Variants in CLIC5 observed in about 807,000 individuals in gnomAD.
The protein encoded by CLIC5 is CLIC family member 5, also known as chloride intracellular channel protein 5.
In CLIC5, 20 loss-of-function variants were observed where a neutral mutation model predicts 24.7. The ratio of observed to expected loss-of-function variants is 0.81; its 90% CI spans 0.57 to 1.18. CLIC5 has a LOEUF of 1.18. CLIC5 is among the 50% of genes most tolerant of loss of function. The probability of loss-of-function intolerance (pLI) is 0.00; values close to 1 mark genes in which losing one functional copy is unlikely to be tolerated. For synonymous variants in CLIC5, 159 were observed against 135.6 expected, an observed-to-expected ratio of 1.17 and a Z score of -1.20; for missense variants, 341 against 326.1, an observed-to-expected ratio of 1.05 and a Z score of -0.35.
intron 1 of CLIC5, among the ~76,000 whole-genome samples, chr6:45,956,772 C>A (rs1321909870): frequency 6.6e-6 from 1 of 152,182 alleles, no homozygotes; most frequent in Non-Finnish European, 1.5e-5. Context: ...ACTCCCTATT[C>A]AGTTCTCACT....
intron 1 of CLIC5, among the ~76,000 whole-genome samples, chr6:46,034,036 A>G (rs1024537831): frequency 8.5e-5 from 13 of 152,364 alleles, no homozygotes; most frequent in Admixed American, 7.8e-4. Flanking sequence ...CAAAACAAAC[A>G]CAAAGCTACT....
intron 1 of CLIC5, among the ~76,000 whole-genome samples, chr6:45,996,432 C>A (rs1480913852): frequency 6.6e-6 from 1 of 152,244 alleles, no homozygotes; most frequent in African/African-American, 2.4e-5. Context: ...ATGCCTATGT[C>A]CTGAATGGTA....
At chr6:45,941,952 A>T (rs145540591) in intron 3 of CLIC5, among the ~76,000 whole-genome samples, 1 of 152,128 alleles carries the variant, frequency 6.6e-6, no homozygotes, top group Admixed American at 6.5e-5. Flanking sequence ...ACCACCAATA[A>T]GGATGTGCCA....
chr6:46,110,924 T>G, the CLIC5 span, among the ~76,000 whole-genome samples: 1 of 152,218 alleles, frequency 6.6e-6, no homozygotes, highest in East Asian at 1.9e-4. Flanking sequence ...AAAACTTATT[T>G]TGCAAATAAA....
chr6:46,031,111 T>C (rs545582179), intron 1 of CLIC5, among the ~76,000 whole-genome samples: 26 of 152,358 alleles, frequency 1.7e-4, no homozygotes, highest in Non-Finnish European at 1.5e-5. Context: ...AACAAATATT[T>C]ATTAAGATCC....
At chr6:46,018,059 T>C (rs1024119231), upstream of CLIC5, among the ~76,000 whole-genome samples, 1 of 152,160 alleles carries the variant, frequency 6.6e-6, no homozygotes, top group Non-Finnish European at 1.5e-5. Flanking sequence ...TCTGCACCAA[T>C]GACTACATAC....
chr6:46,119,887 G>A, the CLIC5 span, among the ~76,000 whole-genome samples: 1 of 152,220 alleles, frequency 6.6e-6, no homozygotes, highest in Non-Finnish European at 1.5e-5. Flanking sequence ...GGGTGGGGGA[G>A]GGGTGCCCAC....
At chr6:46,011,017 C>A (rs1766788565) in intron 1 of CLIC5, among the ~76,000 whole-genome samples, 1 of 152,214 alleles carries the variant, frequency 6.6e-6, no homozygotes, top group Admixed American at 6.5e-5. Context: ...GATGACCACA[C>A]CACGAGTCAC....
intron 3 of CLIC5, among the ~76,000 whole-genome samples, chr6:45,944,827 T>A (rs1764240238): frequency 6.6e-6 from 1 of 152,256 alleles, no homozygotes; most frequent in Non-Finnish European, 1.5e-5. Context: ...ATGGCCTTGC[T>A]GATGGCAGCT....
upstream of CLIC5, among the ~76,000 whole-genome samples, chr6:46,018,448 C>T (rs1453184152): frequency 6.6e-6 from 1 of 152,140 alleles, no homozygotes; most frequent in Non-Finnish European, 1.5e-5. Flanking sequence ...TTGGACATCC[C>T]TGCAGATAAC....
intron 1 of CLIC5, among the ~76,000 whole-genome samples, chr6:46,063,057 A>G (rs1762333336): frequency 6.6e-6 from 1 of 152,216 alleles, no homozygotes; most frequent in African/African-American, 2.4e-5. Flanking sequence ...ACTTTGAAAA[A>G]GACAGCATAT....
chr6:45,895,174 A>T (rs1762382632), downstream of CLIC5, among the ~76,000 whole-genome samples: 1 of 152,138 alleles, frequency 6.6e-6, no homozygotes, highest in South Asian at 2.1e-4. Context: ...TCCCTAATGA[A>T]CCTATATGCG....
intron 5 of CLIC5, chr6:45,912,044 G>C: frequency 1.0e-6 from 1 of 985,852 alleles, no homozygotes; most frequent in Non-Finnish European, 1.2e-6. Context: ...AAGGGGGTAA[G>C]GATGCACACG....
At chr6:45,982,263 C>A (rs771571135) in intron 1 of CLIC5, among the ~76,000 whole-genome samples, 4 of 152,176 alleles carry the variant, frequency 2.6e-5, no homozygotes, top group Non-Finnish European at 5.9e-5. Flanking sequence ...TCACCTGGGG[C>A]CTGTCCTTGC....
chr6:46,102,335 C>T, the CLIC5 span, among the ~76,000 whole-genome samples: 4 of 152,206 alleles, frequency 2.6e-5, no homozygotes, highest in Non-Finnish European at 4.4e-5. Flanking sequence ...TCATCTTGGC[C>T]TCTCTGAGCA....
intron 1 of CLIC5, among the ~76,000 whole-genome samples, chr6:46,021,250 T>C (rs1166124017): frequency 6.6e-6 from 1 of 152,188 alleles, no homozygotes; most frequent in Non-Finnish European, 1.5e-5. Flanking sequence ...CCTATTAGAA[T>C]GGTTACAATG....
chr6:45,919,398 G>T (rs760790138), intron 4 of CLIC5, among the ~76,000 whole-genome samples: 5 of 152,132 alleles, frequency 3.3e-5, no homozygotes, highest in Non-Finnish European at 5.9e-5. Context: ...GGGGGTTACA[G>T]GTGGGCTGCT....
chr6:46,106,599 G>T, the CLIC5 span, among the ~76,000 whole-genome samples: 1 of 152,102 alleles, frequency 6.6e-6, no homozygotes, highest in African/African-American at 2.4e-5. Flanking sequence ...AAATAGATTG[G>T]TCTCCAAAAT....
intron 1 of CLIC5, among the ~76,000 whole-genome samples, chr6:46,013,980 G>A (rs944862292): frequency 6.6e-6 from 1 of 151,982 alleles, no homozygotes; most frequent in Non-Finnish European, 1.5e-5. Context: ...AGCATCAGAC[G>A]AGAAATGACC....
Sources: gnomAD v4.1 joint callset for allele counts (sites outside exome capture counted in the v4.1 genomes callset) on GRCh38, gnomAD v4.1.1 for gene constraint, MANE v1.5 for transcripts, NCBI Gene and HGNC (gene_info 2026-07-23, HGNC 2026-07-21) for gene names.